The following CXCR6 variants were observed in gnomAD, a reference collection of about 807,000 sequenced individuals.
CXCR6 encodes the protein C-X-C chemokine receptor type 6.
In CXCR6, 3 loss-of-function variants were observed where a neutral mutation model predicts 1.6. The ratio of observed to expected loss-of-function variants is 1.83; its 90% confidence interval spans 0.83 to 4.72. The LOEUF is 4.72. Among genes scored for constraint, CXCR6 ranks in the 30% most tolerant of loss-of-function variants. CXCR6 has a pLI of 0.02. For missense variants in CXCR6, 326 were observed against 414.8 expected, an observed-to-expected ratio of 0.79 and a Z score of 1.86; for synonymous variants, 171 against 159.2, an observed-to-expected ratio of 1.07 and a Z score of -0.56.
rs536590756 is a variant in CXCR6 at position 45,944,188 on chromosome 3, G to A, written c.-22+648G>A. ...ATTGTAGGGGTGTTTGTGTGTGTGC[G>A]TGTGTGTCTGTGTGTGTGTGTGTGT... On this transcript the variant is annotated intron_variant, in intron 1 of 1. Coordinates refer to ENST00000304552, the MANE Select transcript of CXCR6 (RefSeq NM_006564.2). Among the ~76,000 whole-genome samples the A allele has an allele frequency of 1.2e-4, 17 of 141,858 alleles. No individual in the cohort carries two copies. In the East Asian group the frequency reaches 1.7e-3, roughly 15 times the overall value. 93.1% of individuals were successfully genotyped at this position (141,858 alleles called of 152,430 possible).
At chr3:45,941,753 G>A (rs185142041), upstream of CXCR6, among the ~76,000 whole-genome samples, 7 of 152,320 alleles carry the variant, frequency 4.6e-5, no homozygotes, top group African/African-American at 1.7e-4. Context: ...GAGTAGAAAG[G>A]CTTGCTGAGA....
At position 45,947,526 on chromosome 3, in the gene CXCR6, C is replaced by T. The variant is rs371002459; in HGVS notation, c.*16C>T. 34 of 1,599,978 alleles carry T rather than the reference C, an allele frequency of 2.1e-5. No individual in the cohort carries two copies. Among genetic ancestry groups the T allele is most frequent in the African/African-American group, 2.0e-4 (15 of 74,634 alleles). On this transcript the variant is annotated 3_prime_UTR_variant, in exon 2 of 2. Coordinates refer to ENST00000304552, the MANE Select transcript of CXCR6 (RefSeq NM_006564.2). ...CCAGTTATAGGCCTTGCCAGGGTTT[C>T]GAGAAGCTGCTCTGGAATTTGCAAG...
At chr3:45,944,559 A>G (rs1464613440) in intron 1 of CXCR6, among the ~76,000 whole-genome samples, 2 of 152,168 alleles carry the variant, frequency 1.3e-5, no homozygotes, top group African/African-American at 2.4e-5. Context: ...ACAAAATAGG[A>G]TTTTAATTAT....
At position 45,946,542 on chromosome 3, in the gene CXCR6, G is replaced by C. The variant is rs144386806; in HGVS notation, c.61G>C (p.Glu21Gln). The C allele has an allele frequency of 1.2e-6, 2 of 1,614,106 alleles. No individual in the cohort carries two copies. Among genetic ancestry groups the C allele is most frequent in the East Asian group, 2.2e-5 (1 of 44,902 alleles). The change falls in exon 2 of 2, where the codon GAG (glutamate) becomes CAG (glutamine). Residue 21 changes from glutamate (E) to glutamine (Q), a missense_variant. Coordinates refer to ENST00000304552, the MANE Select transcript of CXCR6 (RefSeq NM_006564.2). The stretch of plus-strand genomic sequence containing the variant: ...CAGCAGTTTCAATGACAGCAGCCAG[G>C]AGGAGCATCAAGACTTCCTGCAGTT... ...GFSSFNDSSQ[E>Q]EHQDFLQFSK... is the part of the protein sequence containing the mutation.
chr3:45,947,456 C>T lies in CXCR6; in HGVS notation c.975C>T (p.Ser325=), dbSNP rs750354477. 6.2e-7 allele frequency: 1 copy of T among 1,614,142 alleles called. No homozygotes were observed. The highest frequency in any genetic ancestry group is 2.2e-5 in the East Asian group (1 of 44,876). The stretch of plus-strand genomic sequence containing the variant: ...AATGGAAATCTTCTGAGGACAATTC[C>T]AAGACTTTTTCTGCCTCCCACAATG... ...SHQWKSSEDN[S]KTFSASHNVE... is the part of the protein sequence containing the mutation. Residue 325 remains serine, a synonymous_variant, in exon 2 of 2, where the codon TCC becomes TCT. Transcript: ENST00000304552.
upstream of CXCR6, among the ~76,000 whole-genome samples, chr3:45,943,030 A>G (rs1034371394): frequency 1.4e-4 from 22 of 152,192 alleles, no homozygotes; most frequent in African/African-American, 5.3e-4. Flanking sequence ...AGGCAGGATA[A>G]TATCCACTGC....
chr3:45,947,398 T>C lies in CXCR6; in HGVS notation c.917T>C (p.Ile306Thr), dbSNP rs1481257962. Reference protein sequence around the residue: ...RKNFWKLVKDIGCLPYLGVSH... With the variant: ...RKNFWKLVKDTGCLPYLGVSH... ...AACTTCTGGAAACTTGTGAAGGACA[T>C]TGGTTGCCTCCCTTACCTTGGGGTC... Residue 306 changes from isoleucine (I) to threonine (T), a missense_variant, in exon 2 of 2, where the codon ATT (isoleucine) becomes ACT (threonine). Transcript: ENST00000304552. 15 of 1,614,104 alleles carry C rather than the reference T, an allele frequency of 9.3e-6. No individual in the cohort carries two copies. Among genetic ancestry groups the C allele is most frequent in the Non-Finnish European group, 1.2e-5 (14 of 1,180,054 alleles).
upstream of CXCR6, among the ~76,000 whole-genome samples, chr3:45,941,962 G>T (rs1434875664): frequency 6.6e-6 from 1 of 152,208 alleles, no homozygotes; most frequent in East Asian, 1.9e-4. Flanking sequence ...TGCATATTTG[G>T]CTCAGTCTGT....
intron 1 of CXCR6, among the ~76,000 whole-genome samples, chr3:45,944,313 T>C (rs1012199334): frequency 6.6e-6 from 1 of 152,236 alleles, no homozygotes; most frequent in Admixed American, 6.5e-5. Context: ...CACAATTTTA[T>C]ATCCTTTTGA....
Position 45,947,044 on chromosome 3 carries a change from C to G in CXCR6, c.563C>G (p.Ser188Cys), listed in dbSNP as rs749075268. ...TGTGGTTACCATGACGAGGCAATTT[C>G]CACTGTGGTTCTTGCCACCCAGATG... ...LICGYHDEAI[S>C]TVVLATQMTL... The change falls in exon 2 of 2, where the codon TCC (serine) becomes TGC (cysteine). Residue 188 changes from serine (S) to cysteine (C), a missense_variant. Transcript: ENST00000304552. The G allele has an allele frequency of 3.7e-6, 6 of 1,614,098 alleles. No individual in the cohort carries two copies. In the South Asian group the frequency reaches 6.6e-5, roughly 18 times the overall value.
chr3:45,941,258 C>T (rs1372280034), upstream of CXCR6: 4 of 152,220 alleles, frequency 2.6e-5, no homozygotes, highest in Non-Finnish European at 5.9e-5. Flanking sequence ...TGTCTCATCC[C>T]TGAATCCTGG....
chr3:45,942,098 G>C (rs1427968209), upstream of CXCR6, among the ~76,000 whole-genome samples: 1 of 152,198 alleles, frequency 6.6e-6, no homozygotes, highest in African/African-American at 2.4e-5. Context: ...AGAAAGGACA[G>C]TCTGAACGAA....
upstream of CXCR6, chr3:45,940,921 C>T (rs1459659853): frequency 6.6e-6 from 1 of 152,178 alleles, no homozygotes; most frequent in African/African-American, 2.4e-5. Context: ...TCACCTTCTT[C>T]CGCTGGAGGT....
At position 45,947,131 on chromosome 3, in the gene CXCR6, C is replaced by G. The variant is rs1478101313; in HGVS notation, c.650C>G (p.Thr217Arg). The change falls in exon 2 of 2, where the codon ACA becomes AGA. Residue 217 changes from threonine (T) to arginine (R), a missense_variant. Thr to Arg is a moderately conservative substitution (Grantham distance 71, BLOSUM62 -1). Coordinates refer to ENST00000304552, the MANE Select transcript of CXCR6 (RefSeq NM_006564.2). ...MIVCYSVIIK[T>R]LLHAGGFQKH... ...GTCTGCTATTCAGTCATAATCAAAA[C>G]ACTGCTTCATGCTGGAGGCTTCCAG... 6.2e-7 allele frequency: 1 copy of G among 1,614,098 alleles called. No individual in the cohort carries two copies. The highest frequency in any genetic ancestry group is 8.5e-7 in the Non-Finnish European group (1 of 1,180,056).
At position 45,947,529 on chromosome 3, in the gene CXCR6, G is replaced by C; in HGVS notation, c.*19G>C. 6.3e-7 allele frequency: 1 copy of C among 1,599,718 alleles called. No homozygotes were observed. Among genetic ancestry groups the C allele is most frequent in the Non-Finnish European group, 8.6e-7 (1 of 1,168,330 alleles). On this transcript the variant is annotated 3_prime_UTR_variant, in exon 2 of 2. Transcript: ENST00000304552. Reference sequence around the variant, plus strand: ...GTTATAGGCCTTGCCAGGGTTTCGAGAAGCTGCTCTGGAATTTGCAAGTCA... The same window carrying C: ...GTTATAGGCCTTGCCAGGGTTTCGACAAGCTGCTCTGGAATTTGCAAGTCA...
At chr3:45,942,085 G>A (rs1038153100), upstream of CXCR6, among the ~76,000 whole-genome samples, 3 of 152,188 alleles carry the variant, frequency 2.0e-5, no homozygotes, top group Non-Finnish European at 4.4e-5. Context: ...GTACCAGTTT[G>A]GTAGAAAGGA....
chr3:45,944,084 C>A (rs564794139), intron 1 of CXCR6, among the ~76,000 whole-genome samples: 2 of 152,104 alleles, frequency 1.3e-5, no homozygotes, highest in African/African-American at 2.4e-5. Context: ...GTTAAAATCA[C>A]ATAGTTTATC....
In CXCR6 at chr3:45,946,924, G is replaced by T. The variant is rs775601713; in HGVS notation, c.443G>T (p.Gly148Val). 6.2e-7 allele frequency: 1 copy of T among 1,614,116 alleles called. No individual in the cohort carries two copies. Among genetic ancestry groups the T allele is most frequent in the Admixed American group, 1.7e-5 (1 of 60,012 alleles). ...YNQQAKRMTWGKVTSLLIWVI... is the reference protein window; with the variant it reads ...YNQQAKRMTWVKVTSLLIWVI... The stretch of plus-strand genomic sequence containing the variant: ...CAGCAAGCCAAGAGGATGACCTGGG[G>T]CAAGGTCACCAGCTTGCTCATCTGG... The change falls in exon 2 of 2, where the codon GGC becomes GTC. Residue 148 changes from glycine to valine, a missense_variant. By Grantham distance (109) the Gly-to-Val change is moderately radical (BLOSUM62 -3). Transcript: ENST00000304552.
chr3:45,944,692 A>G (rs760229852), intron 1 of CXCR6, among the ~76,000 whole-genome samples: 5 of 152,206 alleles, frequency 3.3e-5, no homozygotes, highest in Non-Finnish European at 7.3e-5. Flanking sequence ...AAGTTTACCA[A>G]TTATTACACA....
Sources: allele counts gnomAD v4.1 joint callset (sites outside exome capture counted in the v4.1 genomes callset), GRCh38; gene constraint gnomAD v4.1.1; transcripts MANE v1.5; gene names NCBI Gene and HGNC (gene_info 2026-07-23, HGNC 2026-07-21).